TMEM273: variants seen among roughly 807,000 people sequenced by gnomAD.
The protein encoded by TMEM273 is transmembrane protein 273, also known as chromosome 10 open reading frame 128.
Under a neutral mutation model 17.9 loss-of-function variants are expected in TMEM273, and 19 were observed. The ratio of observed to expected loss-of-function variants is 1.06; its 90% CI spans 0.74 to 1.55. The LOEUF is 1.55. Ranked by LOEUF, TMEM273 falls within the 40% of genes most tolerant of loss-of-function variation. The pLI, the probability that TMEM273 is intolerant of heterozygous loss-of-function variation, is 0.00. For synonymous variants in TMEM273, 66 were observed against 62.0 expected (o/e 1.07, Z -0.31); for missense variants, 194 against 155.6 (o/e 1.25, Z -1.31).
intron 1 of TMEM273, among the ~76,000 whole-genome samples, chr10:49,183,098 C>T (rs1172228203): frequency 6.6e-6 from 1 of 152,082 alleles, no homozygotes; most frequent in Non-Finnish European, 1.5e-5. Flanking sequence ...AGTTGGTCAC[C>T]CCCGCCATAC....
intron 1 of TMEM273, among the ~76,000 whole-genome samples, chr10:49,181,594 AT>A (rs1324695162): frequency 2.6e-5 from 4 of 152,216 alleles, no homozygotes; most frequent in African/African-American, 9.6e-5. Context: ...GGGGCAAAAT[AT>A]ATTCAATAGA....
At chr10:49,156,028 G>T (rs1000477178) in intron 6 of TMEM273, 119 bp from the exon 7 acceptor site, 1 of 1,583,518 alleles carries the variant, frequency 6.3e-7, no homozygotes, top group Non-Finnish European at 8.6e-7. Context: ...AGCAAAGCCT[G>T]CAAGGTGGGC....
Position 49,168,084 on chromosome 10 carries a change from C to T in TMEM273, c.44-122G>A, listed in dbSNP as rs116640826. ...CCACCAGGAGCACAGAGGTGGGCTC[C>T]CAATTGCCATGGAGTGTCTTGGAGC... On this transcript the variant is annotated intron_variant, in intron 1 of 6. Transcript: ENST00000374153. 1,501 of 1,195,974 alleles carry T rather than the reference C, an allele frequency of 1.3e-3. 16 individuals are homozygous for T. In the African/African-American group the frequency reaches 0.02, roughly 16 times the overall value. The allele number at this position is 1,195,974 out of a possible 1,614,324, so 74.1% of individuals were successfully genotyped here. A position where few individuals can be genotyped will look rare whatever the true frequency, so the allele number is the denominator to read the frequency against.
chr10:49,161,438 T>A (rs1689519933), intron 6 of TMEM273, 161 bp downstream of exon 6: 1 of 791,142 alleles, frequency 1.3e-6, no homozygotes, highest in Non-Finnish European at 2.1e-6. Context: ...TGCTGATTCC[T>A]GGTCTCACAG....
chr10:49,161,598 C>T lies in TMEM273; in HGVS notation c.372+1G>A. ...GACAAGTGATCACTCTTACAACTCACCTTTTGGAGAAATTGTGGTTTCGCC... is the reference window on the plus strand; with the variant it reads ...GACAAGTGATCACTCTTACAACTCATCTTTTGGAGAAATTGTGGTTTCGCC... On this transcript the variant is annotated splice_donor_variant, in intron 6 of 6. Coordinates refer to ENST00000374153, the MANE Select transcript of TMEM273 (RefSeq NM_001288740.3). LOFTEE classifies it high-confidence loss of function. The T allele has an allele frequency of 6.2e-7, 1 of 1,614,232 alleles. No homozygotes were observed. Among genetic ancestry groups the T allele is most frequent in the Non-Finnish European group, 8.5e-7 (1 of 1,180,038 alleles).
chr10:49,170,921 C>T (rs909181812), intron 1 of TMEM273, among the ~76,000 whole-genome samples: 2 of 152,222 alleles, frequency 1.3e-5, no homozygotes, highest in Non-Finnish European at 2.9e-5. Flanking sequence ...GCTGATGTCC[C>T]CTGGCTCTGC....
chr10:49,186,398 T>C (rs1368785518), intron 1 of TMEM273, among the ~76,000 whole-genome samples: 2 of 152,222 alleles, frequency 1.3e-5, no homozygotes, highest in Non-Finnish European at 2.9e-5. Flanking sequence ...TATTATTTCA[T>C]CAGGTTATAT....
At chr10:49,174,636 G>A (rs376785182) in intron 1 of TMEM273, among the ~76,000 whole-genome samples, 2 of 152,234 alleles carry the variant, frequency 1.3e-5, no homozygotes, top group East Asian at 3.9e-4. Context: ...AACTAGGCTG[G>A]GGCAGAACCC....
At chr10:49,158,260 T>C (rs554597095) in intron 6 of TMEM273, among the ~76,000 whole-genome samples, 4 of 151,970 alleles carry the variant, frequency 2.6e-5, no homozygotes, top group African/African-American at 9.7e-5. Flanking sequence ...ACTTAATATG[T>C]AAATATAATG....
chr10:49,159,203 T>A (rs1241668545), intron 6 of TMEM273, among the ~76,000 whole-genome samples: 1 of 152,004 alleles, frequency 6.6e-6, no homozygotes, highest in Non-Finnish European at 1.5e-5. Flanking sequence ...TTTTAAAAGA[T>A]TAAAACAGGA....
chr10:49,181,217 G>C (rs1030477934), intron 1 of TMEM273, among the ~76,000 whole-genome samples: 1 of 152,060 alleles, frequency 6.6e-6, no homozygotes, highest in Non-Finnish European at 1.5e-5. Flanking sequence ...AATCCAGAAG[G>C]ATCTTAATAA....
Position 49,164,949 on chromosome 10 carries a change from C to G in TMEM273, c.348+256G>C, listed in dbSNP as rs539166096. Reference sequence around the variant, plus strand: ...TGACCCCCAGCACCTAGCCCATGGCCTCATGTTCAGTTATTTATTCATTCA... The same window carrying G: ...TGACCCCCAGCACCTAGCCCATGGCGTCATGTTCAGTTATTTATTCATTCA... On this transcript the variant is annotated intron_variant, in intron 5 of 6. Coordinates refer to ENST00000374153, the MANE Select transcript of TMEM273 (RefSeq NM_001288740.3). Among the ~76,000 whole-genome samples the G allele has an allele frequency of 5.9e-5, 9 of 152,222 alleles. No individual in the cohort carries two copies. The East Asian group carries it at 7.7e-4, about 13-fold the overall frequency.
At chr10:49,173,388 C>A (rs1021388137) in intron 1 of TMEM273, among the ~76,000 whole-genome samples, 3 of 152,172 alleles carry the variant, frequency 2.0e-5, no homozygotes, top group Admixed American at 2.0e-4. Flanking sequence ...GGAGCTATAC[C>A]ACACAGCCCC....
chr10:49,167,923 G>C lies in TMEM273; in HGVS notation c.83C>G (p.Pro28Arg), dbSNP rs763589739. The change falls in exon 2 of 7, where the codon CCT becomes CGT. Residue 28 changes from proline to arginine, a missense_variant. Pro to Arg is a moderately radical substitution (Grantham distance 103). Transcript: ENST00000374153. ...CAGCCACGTACCAATTTCAGCCCCA[G>C]GGGTCTTGCCTGTTGCCAGCACTTG... ...GAQVLATGKTPGAEIDFKYAL... is the reference protein window; with the variant it reads ...GAQVLATGKTRGAEIDFKYAL... 1.9e-6 allele frequency: 3 copies of C among 1,614,058 alleles called. No homozygotes were observed. The highest frequency in any genetic ancestry group is 2.5e-6 in the Non-Finnish European group (3 of 1,179,998).
At chr10:49,180,837 C>G (rs1190356961) in intron 1 of TMEM273, among the ~76,000 whole-genome samples, 1 of 152,198 alleles carries the variant, frequency 6.6e-6, no homozygotes, top group Non-Finnish European at 1.5e-5. Flanking sequence ...AAACAAAATA[C>G]TTTTCTACTA....
Position 49,165,782 on chromosome 10 carries a change from T to C in TMEM273, c.253A>G (p.Lys85Glu), listed in dbSNP as rs971086838. 3 of 1,614,122 alleles carry C rather than the reference T, an allele frequency of 1.9e-6. No homozygotes were observed. Among genetic ancestry groups the C allele is most frequent in the Admixed American group, 3.3e-5 (2 of 60,018 alleles). ...PGGLSDTIPL[K>E]KRAPRKLQAS... ...TGACCTTACCTTGGGGCTCTCTTCT[T>C]TAGCGGGATGGTGTCTAAACAGAGA... Residue 85 changes from lysine (K) to glutamate (E), a missense_variant, in exon 4 of 7, where the codon AAG (lysine) becomes GAG (glutamate). Coordinates refer to ENST00000374153, the MANE Select transcript of TMEM273 (RefSeq NM_001288740.3).
At chr10:49,156,407 A>C in intron 6 of TMEM273, 1 of 602,726 alleles carries the variant, frequency 1.7e-6, no homozygotes, top group Non-Finnish European at 2.5e-6. Context: ...TAGGTGTCTA[A>C]AAAAGGGGAA....
Position 49,155,759 on chromosome 10 carries a change from C to G in TMEM273, c.*133G>C, listed in dbSNP as rs1003056825. The G allele has an allele frequency of 5.7e-6, 7 of 1,231,770 alleles. No individual in the cohort carries two copies. In the African/African-American group the frequency reaches 1.0e-4, roughly 18 times the overall value. 76.3% of individuals were successfully genotyped at this position (1,231,770 alleles called of 1,614,324 possible). The stretch of plus-strand genomic sequence containing the variant: ...TATATTCTATTCCTTCTATTATTTG[C>G]CTCCAATATTCAGTCCATGTGAAAG... On this transcript the variant is annotated 3_prime_UTR_variant, in exon 7 of 7. Coordinates refer to ENST00000374153, the MANE Select transcript of TMEM273 (RefSeq NM_001288740.3).
At chr10:49,159,135 G>A (rs187874306) in intron 6 of TMEM273, among the ~76,000 whole-genome samples, 62 of 151,900 alleles carry the variant, frequency 4.1e-4, no homozygotes, top group African/African-American at 1.4e-3. Context: ...TCTCTGAATC[G>A]TGTACATGAC....
Sources: allele counts gnomAD v4.1 joint callset (sites outside exome capture counted in the v4.1 genomes callset), GRCh38; gene constraint gnomAD v4.1.1; transcripts MANE v1.5; gene names NCBI Gene and HGNC (gene_info 2026-07-23, HGNC 2026-07-21).